The following DMD variants were observed in gnomAD, a reference collection of about 807,000 sequenced individuals.
DMD encodes dystrophin.
In DMD, 63 loss-of-function variants were observed where a neutral mutation model predicts 330.1. The ratio of observed to expected loss-of-function variants is 0.19; its 90% CI spans 0.16 to 0.24. The LOEUF is 0.24. Among genes scored for constraint, DMD ranks in the 10% least tolerant of loss-of-function variants. The pLI is 1.00. For missense variants in DMD, 3,344 were observed against 2,684.1 expected (o/e 1.25, Z -5.43); for synonymous variants, 1,223 against 959.8 (o/e 1.27, Z -5.07).
At chrX:31,818,623 A>G (rs1458584262) in intron 50 of DMD, among the ~76,000 whole-genome samples, 1 of 111,154 alleles carries the variant, frequency 9.0e-6, no homozygotes, top group Non-Finnish European at 1.9e-5. Context: ...AATAAATGAT[A>G]ACATAGGAAC....
chrX:32,650,944 G>C (rs2060109038), intron 9 of DMD, among the ~76,000 whole-genome samples: 1 of 111,390 alleles, frequency 9.0e-6, no homozygotes, highest in Admixed American at 9.6e-5. Context: ...ATAGAAATTA[G>C]TAGGATGAGG....
intron 61 of DMD, among the ~76,000 whole-genome samples, chrX:31,327,169 C>T (rs1345236888): frequency 2.7e-5 from 3 of 112,306 alleles, no homozygotes; most frequent in African/African-American, 9.7e-5. Flanking sequence ...ACGGCACCAG[C>T]ATCATGGGGT....
intron 60 of DMD, among the ~76,000 whole-genome samples, chrX:31,425,118 C>T (rs752378583): frequency 9.8e-5 from 11 of 112,199 alleles, no homozygotes; most frequent in African/African-American, 3.6e-4. Context: ...ACAGGCTTTG[C>T]CTATAATTTC....
chrX:31,380,863 T>A (rs113110631), intron 60 of DMD, among the ~76,000 whole-genome samples: 1,210 of 108,477 alleles, frequency 0.011, 16 homozygotes, highest in African/African-American at 0.039. Context: ...CTGTACTGCC[T>A]CAAGGCTTCA....
intron 7 of DMD, among the ~76,000 whole-genome samples, chrX:32,721,434 G>C (rs1569487091): frequency 9.2e-6 from 1 of 108,858 alleles, no homozygotes; most frequent in Non-Finnish European, 1.9e-5. Context: ...TTATGATTTT[G>C]ATTTGCATTT....
chrX:32,958,017 A>G (rs958521336), intron 2 of DMD, among the ~76,000 whole-genome samples: 56 of 112,155 alleles, frequency 5.0e-4, no homozygotes, highest in Non-Finnish European at 1.3e-4. Context: ...TATAAAAATA[A>G]TTCAAGAACT....
chrX:31,656,771 T>G (rs1299868479), intron 54 of DMD, among the ~76,000 whole-genome samples: 1 of 111,898 alleles, frequency 8.9e-6, no homozygotes, highest in Non-Finnish European at 1.9e-5. Flanking sequence ...CAGCTCCATA[T>G]TCAAGTTTGC....
intron 1 of DMD, among the ~76,000 whole-genome samples, chrX:33,098,563 G>A (rs907575757): frequency 4.5e-5 from 5 of 111,365 alleles, no homozygotes; most frequent in African/African-American, 9.8e-5. Flanking sequence ...TCAAAGGTGT[G>A]TGGAGGCTGT....
In DMD at chrX:32,169,559, T is replaced by C. The variant is rs200195949; in HGVS notation, c.6438+47357A>G. Among the ~76,000 whole-genome samples, 3 of 111,808 alleles carry C rather than the reference T, an allele frequency of 2.7e-5. No homozygotes were observed. The East Asian group carries it at 8.4e-4, about 31-fold the overall frequency. Reference sequence around the variant, plus strand: ...ATAACAGGAGGTTTCTAGACATACATATAGAAGGTGATGCTGGTGATCCAA... The same window carrying C: ...ATAACAGGAGGTTTCTAGACATACACATAGAAGGTGATGCTGGTGATCCAA... On this transcript the variant is annotated intron_variant, in intron 44 of 78. Coordinates refer to ENST00000357033, the MANE Select transcript of DMD (RefSeq NM_004006.3).
chrX:31,594,088 A>G (rs1227586683), intron 55 of DMD, among the ~76,000 whole-genome samples: 1 of 111,158 alleles, frequency 9.0e-6, no homozygotes, highest in African/African-American at 3.3e-5. Flanking sequence ...CAATTTTTAT[A>G]CTACTGACAT....
intron 13 of DMD, among the ~76,000 whole-genome samples, chrX:32,588,419 G>A (rs757449411): frequency 1.8e-5 from 2 of 111,548 alleles, no homozygotes; most frequent in African/African-American, 6.5e-5. Flanking sequence ...GTTTAAACCC[G>A]GTGGTATGTG....
intron 50 of DMD, among the ~76,000 whole-genome samples, chrX:31,785,794 G>T (rs1001093150): frequency 2.8e-4 from 31 of 111,612 alleles, no homozygotes; most frequent in African/African-American, 9.1e-4. Flanking sequence ...CCTTTTTTAT[G>T]GCTGCATAGT....
At chrX:33,310,634 C>A (rs1405392277) in intron 1 of DMD, among the ~76,000 whole-genome samples, 1 of 111,243 alleles carries the variant, frequency 9.0e-6, no homozygotes, top group Non-Finnish European at 1.9e-5. Context: ...TTAGCAGATA[C>A]AGTCAATTAA....
intron 2 of DMD, among the ~76,000 whole-genome samples, chrX:32,955,075 G>A (rs2091491168): frequency 1.8e-5 from 2 of 111,792 alleles, no homozygotes; most frequent in African/African-American, 6.5e-5. Flanking sequence ...ATATTGCTGG[G>A]TTGATGGTAT....
intron 59 of DMD, among the ~76,000 whole-genome samples, chrX:31,451,832 C>CT (rs1452459181): frequency 1.0e-5 from 1 of 98,077 alleles, no homozygotes; most frequent in East Asian, 3.5e-4. Context: ...TTGAAACGTA[C>CT]TTTAAAAAAA....
intron 44 of DMD, among the ~76,000 whole-genome samples, chrX:32,137,317 C>T (rs1216797263): frequency 8.9e-6 from 1 of 111,757 alleles, no homozygotes; most frequent in Non-Finnish European, 1.9e-5. Flanking sequence ...AGAGGAATAC[C>T]TTCAAGAATC....
intron 18 of DMD, among the ~76,000 whole-genome samples, chrX:32,514,540 G>C (rs988417108): frequency 5.4e-5 from 6 of 111,869 alleles, no homozygotes; most frequent in Non-Finnish European, 9.4e-5. Flanking sequence ...AGGAGATCGA[G>C]ACCATCCTGG....
chrX:32,129,293 A>G (rs1603626555), intron 44 of DMD, among the ~76,000 whole-genome samples: 1 of 111,594 alleles, frequency 9.0e-6, no homozygotes, highest in East Asian at 2.8e-4. Context: ...GCATTGATTC[A>G]ATAAAATTTC....
At chrX:31,703,444 G>T (rs1007157392) in intron 52 of DMD, among the ~76,000 whole-genome samples, 2 of 111,568 alleles carry the variant, frequency 1.8e-5, no homozygotes, top group East Asian at 5.7e-4. Flanking sequence ...TTTTCAGTTT[G>T]CAGCACTCTG....
Sources: gnomAD v4.1 joint callset for allele counts (sites outside exome capture counted in the v4.1 genomes callset) on GRCh38, gnomAD v4.1.1 for gene constraint, MANE v1.5 for transcripts, NCBI Gene and HGNC (gene_info 2026-07-23, HGNC 2026-07-21) for gene names.